FYB1: variants seen among roughly 807,000 people sequenced by gnomAD.
The protein encoded by FYB1 is FYN binding protein 1, also known as FYN-binding protein 1.
FYB1 carries 41 observed loss-of-function variants against 94.1 expected under a neutral mutation model. That is an observed-to-expected ratio of 0.44 (90% CI 0.34 to 0.57). The LOEUF is 0.57. Among genes scored for constraint, FYB1 ranks in the 20% least tolerant of loss-of-function variants. The pLI, the probability that FYB1 is intolerant of heterozygous loss-of-function variation, is 0.02. For synonymous variants in FYB1, 367 were observed against 353.2 expected (o/e 1.04, Z -0.44); for missense variants, 1,050 against 976.8 (o/e 1.07, Z -1.00).
chr5:39,207,180 A>T (rs1406836717), intron 1 of FYB1, among the ~76,000 whole-genome samples: 1 of 152,194 alleles, frequency 6.6e-6, no homozygotes, highest in Admixed American at 6.5e-5. Flanking sequence ...TTGCAAATTC[A>T]AATTCATTTG....
At chr5:39,214,411 GC>G (rs1311284618) in intron 1 of FYB1, among the ~76,000 whole-genome samples, 2 of 152,200 alleles carry the variant, frequency 1.3e-5, no homozygotes, top group Non-Finnish European at 2.9e-5. Context: ...AGAACTGAAA[GC>G]AGGGACTTGA....
chr5:39,107,380 C>T lies in FYB1; in HGVS notation c.*63G>A. ...ATTTTCTTGATACCCAATAACATGC[C>T]AATTAAAATCCAGACTTCACATTGG... On this transcript the variant is annotated 3_prime_UTR_variant, in exon 19 of 19. Coordinates refer to ENST00000512982, the MANE Select transcript of FYB1 (RefSeq NM_001465.6). 3 of 1,216,514 alleles carry T rather than the reference C, an allele frequency of 2.5e-6. No individual in the cohort carries two copies. Among genetic ancestry groups the T allele is most frequent in the South Asian group, 3.6e-5 (2 of 56,298 alleles). The allele number at this position is 1,216,514 out of a possible 1,614,324, so 75.4% of individuals were successfully genotyped here.
At chr5:39,227,801 A>G (rs1661866) in intron 1 of FYB1, among the ~76,000 whole-genome samples, 25,646 of 152,098 alleles carry the variant, frequency 0.17, 5,769 homozygotes, top group African/African-American at 0.5. Context: ...CTCCTTAATA[A>G]CACGCATAAA....
At chr5:39,238,079 C>T (rs1030523633) in intron 1 of FYB1, among the ~76,000 whole-genome samples, 3 of 152,022 alleles carry the variant, frequency 2.0e-5, no homozygotes, top group African/African-American at 7.2e-5. Flanking sequence ...TGAGAAGATA[C>T]AAATGAACAC....
At chr5:39,116,718 C>T (rs453826) in intron 16 of FYB1, among the ~76,000 whole-genome samples, 86,243 of 151,884 alleles carry the variant, frequency 0.57, 27,294 homozygotes, top group South Asian at 0.72. Flanking sequence ...ATCATAACAT[C>T]CTTGTTACTC....
chr5:39,147,278 T>C (rs1742742017), intron 3 of FYB1, among the ~76,000 whole-genome samples: 1 of 150,852 alleles, frequency 6.6e-6, no homozygotes, highest in South Asian at 2.1e-4. Context: ...TTTCTTTTCT[T>C]TTTTTTTTGG....
intron 15 of FYB1, among the ~76,000 whole-genome samples, chr5:39,119,321 T>A (rs539916458): frequency 2.6e-5 from 4 of 152,232 alleles, no homozygotes; most frequent in Admixed American, 1.3e-4. Flanking sequence ...GCTTGCTTAA[T>A]CTTTTATAAA....
chr5:39,126,202 T>G, intron 11 of FYB1, 67 bp from the exon 12 acceptor site: 1 of 1,516,164 alleles, frequency 6.6e-7, no homozygotes, highest in African/African-American at 1.4e-5. Context: ...TGTGTGGACA[T>G]TCAGATTCTT....
intron 3 of FYB1, among the ~76,000 whole-genome samples, chr5:39,149,622 C>T (rs1743070720): frequency 6.6e-6 from 1 of 152,118 alleles, no homozygotes; most frequent in Non-Finnish European, 1.5e-5. Flanking sequence ...CTTTCATACT[C>T]TTTTAAAGCC....
intron 2 of FYB1, among the ~76,000 whole-genome samples, chr5:39,194,368 A>C (rs980611076): frequency 6.6e-6 from 1 of 152,054 alleles, no homozygotes; most frequent in Non-Finnish European, 1.5e-5. Flanking sequence ...AAAAAATTTA[A>C]AAAATACTAA....
chr5:39,189,787 C>A (rs1316250958), intron 2 of FYB1, among the ~76,000 whole-genome samples: 2 of 152,228 alleles, frequency 1.3e-5, no homozygotes, highest in African/African-American at 2.4e-5. Context: ...GCTCCTCAAA[C>A]CTTCGGTGAA....
At chr5:39,171,441 C>T (rs552226336) in intron 2 of FYB1, among the ~76,000 whole-genome samples, 3 of 152,278 alleles carry the variant, frequency 2.0e-5, no homozygotes, top group Non-Finnish European at 2.9e-5. Context: ...CATGCCTGAC[C>T]TACTGAATTA....
intron 17 of FYB1, 47 bp downstream of exon 17, chr5:39,110,309 C>T (rs577316592): frequency 3.1e-5 from 38 of 1,229,164 alleles, no homozygotes; most frequent in South Asian, 1.9e-4. Flanking sequence ...AAAAGAAAGG[C>T]ACAAAATTCT....
chr5:39,225,419 C>G (rs376893458), intron 1 of FYB1, among the ~76,000 whole-genome samples: 90 of 152,316 alleles, frequency 5.9e-4, no homozygotes, highest in African/African-American at 1.9e-3. Context: ...CAATCAGATA[C>G]TGCCAACTAA....
At chr5:39,206,955 G>T (rs1329766989) in intron 1 of FYB1, among the ~76,000 whole-genome samples, 2 of 152,134 alleles carry the variant, frequency 1.3e-5, no homozygotes, top group Admixed American at 6.5e-5. Context: ...CCTTGGGATT[G>T]TTTGGTACCT....
At chr5:39,222,523 G>C (rs1341982124), upstream of FYB1, among the ~76,000 whole-genome samples, 2 of 152,110 alleles carry the variant, frequency 1.3e-5, no homozygotes, top group Non-Finnish European at 2.9e-5. Flanking sequence ...TTAAAAGTTT[G>C]CTTTCCAAAA....
intron 2 of FYB1, among the ~76,000 whole-genome samples, chr5:39,161,208 CT>C (rs1353777484): frequency 2.0e-5 from 3 of 152,168 alleles, no homozygotes; most frequent in African/African-American, 7.2e-5. Context: ...CTGTCAACAC[CT>C]GCGTATGCCC....
rs116590302 is a variant in FYB1, at chr5:39,125,441, T to C, written c.2045+557A>G. On this transcript the variant is annotated intron_variant, in intron 12 of 18. Transcript: ENST00000512982. ...AAACTTAAGATGTTTAGAATACTTT[T>C]AGTATAGGAAAAATTATTAATATAT... 3.1e-3 allele frequency among the ~76,000 whole-genome samples: 465 copies of C among 152,324 alleles called. 2 individuals are homozygous for C. Among genetic ancestry groups the C allele is most frequent in the African/African-American group, 0.011 (456 of 41,576 alleles).
chr5:39,144,081 T>C (rs1008159394), intron 3 of FYB1, among the ~76,000 whole-genome samples: 1 of 152,194 alleles, frequency 6.6e-6, no homozygotes, highest in Admixed American at 6.5e-5. Flanking sequence ...GTATGTACAG[T>C]CAATTTTTTA....
Sources: gnomAD v4.1 joint callset for allele counts (sites outside exome capture counted in the v4.1 genomes callset) on GRCh38, gnomAD v4.1.1 for gene constraint, MANE v1.5 for transcripts, NCBI Gene and HGNC (gene_info 2026-07-23, HGNC 2026-07-21) for gene names.